The following EYS variants were observed in gnomAD, a reference collection of about 807,000 sequenced individuals.
EYS encodes EGF-like photoreceptor maintenance factor, also known as protein eyes shut homolog.
EYS carries 250 observed loss-of-function variants against 282.1 expected under a neutral mutation model. That is an observed-to-expected ratio of 0.89 (90% CI 0.80 to 0.98). The LOEUF is 0.98. Among genes scored for constraint, EYS ranks in the 50% least tolerant of loss-of-function variants. The pLI, the probability that EYS is intolerant of heterozygous loss-of-function variation, is 0.00. For missense variants in EYS, 4,016 were observed against 3,709.0 expected, an observed-to-expected ratio of 1.08 and a Z score of -2.15; for synonymous variants, 1,355 against 1,282.9, an observed-to-expected ratio of 1.06 and a Z score of -1.20.
chr6:65,168,543 T>G (rs1289761838), intron 12 of EYS, among the ~76,000 whole-genome samples: 2 of 150,760 alleles, frequency 1.3e-5, no homozygotes, highest in Non-Finnish European at 3.0e-5. Context: ...GTCTGTTTTG[T>G]AAGGACACTA....
At chr6:65,240,000 ACT>A (rs1351102695) in intron 12 of EYS, among the ~76,000 whole-genome samples, 1 of 149,972 alleles carries the variant, frequency 6.7e-6, no homozygotes, top group Non-Finnish European at 1.5e-5. Flanking sequence ...ACAGAGTCTC[ACT>A]CTGTTGCCCA....
chr6:65,264,522 C>A (rs1767701711), intron 12 of EYS, among the ~76,000 whole-genome samples: 1 of 151,974 alleles, frequency 6.6e-6, no homozygotes, highest in African/African-American at 2.4e-5. Flanking sequence ...CTTAAATAAT[C>A]AAAATTGTAT....
At chr6:64,851,908 C>T (rs1765898621) in intron 19 of EYS, among the ~76,000 whole-genome samples, 1 of 151,978 alleles carries the variant, frequency 6.6e-6, no homozygotes, top group South Asian at 2.1e-4. Context: ...GTGATCTGTA[C>T]AAGAAACCCC....
At chr6:65,509,013 T>A (rs1311578336) in intron 2 of EYS, among the ~76,000 whole-genome samples, 1 of 152,000 alleles carries the variant, frequency 6.6e-6, no homozygotes, top group East Asian at 1.9e-4. Flanking sequence ...CTCACACAAA[T>A]CACATGAATA....
intron 28 of EYS, among the ~76,000 whole-genome samples, chr6:64,420,160 C>T (rs527492385): frequency 2.0e-5 from 3 of 152,172 alleles, no homozygotes; most frequent in African/African-American, 7.2e-5. Context: ...AGGCTCAACA[C>T]CATGTGGAAA....
At chr6:63,805,228 G>A (rs370564241) in intron 37 of EYS, among the ~76,000 whole-genome samples, 10 of 152,206 alleles carry the variant, frequency 6.6e-5, no homozygotes, top group South Asian at 2.1e-4. Flanking sequence ...ACTGTTGATT[G>A]CAGACTTAAA....
chr6:65,306,480 A>G (rs994148696), intron 11 of EYS, among the ~76,000 whole-genome samples: 1 of 152,018 alleles, frequency 6.6e-6, no homozygotes, highest in African/African-American at 2.4e-5. Context: ...TTTTCTACTT[A>G]TTTCGCTTTT....
chr6:65,425,207 A>C (rs930914888), intron 5 of EYS, among the ~76,000 whole-genome samples: 33 of 152,210 alleles, frequency 2.2e-4, no homozygotes, highest in South Asian at 1.0e-3. Flanking sequence ...ATGATGGTAA[A>C]GGGTACATTA....
At chr6:64,828,025 G>A (rs981984099) in intron 19 of EYS, among the ~76,000 whole-genome samples, 3 of 147,552 alleles carry the variant, frequency 2.0e-5, no homozygotes, top group African/African-American at 7.3e-5. Flanking sequence ...ATCATAAAAG[G>A]TGGATAGATG....
chr6:65,099,625 C>CCAGCTAATT (rs1774837885), intron 12 of EYS, among the ~76,000 whole-genome samples: 1 of 150,504 alleles, frequency 6.6e-6, no homozygotes, highest in South Asian at 2.1e-4. Flanking sequence ...GCTAATATAA[C>CCAGCTAATT]TGATGGAATT....
intron 12 of EYS, among the ~76,000 whole-genome samples, chr6:65,109,901 C>T (rs1246357061): frequency 1.3e-5 from 2 of 152,124 alleles, no homozygotes; most frequent in African/African-American, 4.8e-5. Context: ...GGGATTTGTT[C>T]ACTCAATTCC....
At chr6:64,525,534 G>T (rs975034362) in intron 26 of EYS, among the ~76,000 whole-genome samples, 1 of 151,620 alleles carries the variant, frequency 6.6e-6, no homozygotes, top group African/African-American at 2.4e-5. Flanking sequence ...GGTGGAGGGT[G>T]GGAGGAAGGA....
At chr6:65,405,389 A>AAG in intron 5 of EYS, 22 bp from the exon 6 acceptor site, 1 of 1,442,416 alleles carries the variant, frequency 6.9e-7, no homozygotes, top group Non-Finnish European at 9.2e-7. Context: ...CACACACAAG[A>AAG]AAAAAAAAGA....
chr6:64,630,269 T>C (rs551323311), intron 22 of EYS, among the ~76,000 whole-genome samples: 18 of 152,020 alleles, frequency 1.2e-4, no homozygotes, highest in Non-Finnish European at 2.4e-4. Flanking sequence ...CTATTTTATT[T>C]TGTATTTTTA....
chr6:65,354,578 T>G (rs9453266), intron 8 of EYS, among the ~76,000 whole-genome samples: 102,422 of 151,976 alleles, frequency 0.67, 34,609 homozygotes, highest in South Asian at 0.71. Context: ...CACTTTGGGA[T>G]GCCAAGGCGG....
At chr6:64,214,566 T>C (rs1176416700) in intron 31 of EYS, among the ~76,000 whole-genome samples, 1 of 152,078 alleles carries the variant, frequency 6.6e-6, no homozygotes, top group Non-Finnish European at 1.5e-5. Context: ...CCACAGGATA[T>C]ACTTCCACAT....
At chr6:63,877,818 A>C (rs190770532) in intron 35 of EYS, among the ~76,000 whole-genome samples, 1 of 152,156 alleles carries the variant, frequency 6.6e-6, no homozygotes, top group Admixed American at 6.5e-5. Context: ...TTTCAGCTCC[A>C]TCAGGTCAAT....
At chr6:64,713,790 A>G (rs6913977) in intron 22 of EYS, among the ~76,000 whole-genome samples, 13,054 of 152,136 alleles carry the variant, frequency 0.086, 734 homozygotes, top group East Asian at 0.32. Flanking sequence ...TTTCTGTGAA[A>G]TTTCTTTATA....
intron 13 of EYS, among the ~76,000 whole-genome samples, chr6:65,037,854 T>C (rs1308434874): frequency 1.3e-5 from 2 of 151,714 alleles, no homozygotes; most frequent in African/African-American, 4.8e-5. Context: ...TGTACATATA[T>C]TTATATTTAT....
Sources: allele counts gnomAD v4.1 joint callset (sites outside exome capture counted in the v4.1 genomes callset), GRCh38; gene constraint gnomAD v4.1.1; transcripts MANE v1.5; gene names NCBI Gene and HGNC (gene_info 2026-07-23, HGNC 2026-07-21).